Variants in CDKN2B-AS1 observed in about 807,000 individuals in gnomAD.
CDKN2B-AS1 encodes the protein CDKN2B antisense RNA 1 (non-protein coding).
At chr9:22,115,859 G>C (rs1825936261) in intron 4 of CDKN2B-AS1, among the ~76,000 whole-genome samples, 1 of 152,034 alleles carries the variant, frequency 6.6e-6, no homozygotes, top group African/African-American at 2.4e-5. Flanking sequence ...TAATGAATTA[G>C]GATGAAAAAT....
intron 4 of CDKN2B-AS1, among the ~76,000 whole-genome samples, chr9:22,059,411 A>G (rs1441481455): frequency 6.6e-6 from 1 of 152,202 alleles, no homozygotes; most frequent in Non-Finnish European, 1.5e-5. Context: ...AAGCTCCAAA[A>G]TGATCTCCTG....
chr9:22,012,206 G>C lies in CDKN2B-AS1; in HGVS notation n.29+17045G>C, dbSNP rs561948279. ...GGGCAAGACCATCACCCTTGAGGTCGAGCCCAGTGACACCATTGAGAATGT... is the reference window on the plus strand; with the variant it reads ...GGGCAAGACCATCACCCTTGAGGTCCAGCCCAGTGACACCATTGAGAATGT... On this transcript the variant is annotated intron_variant and non_coding_transcript_variant, in intron 1 of 4. Transcript: ENST00000650946. 6 of 1,403,486 alleles carry C rather than the reference G, an allele frequency of 4.3e-6. No individual in the cohort carries two copies. The East Asian group carries it at 1.4e-4, about 32-fold the overall frequency. 86.9% of individuals were successfully genotyped at this position (1,403,486 alleles called of 1,614,324 possible).
At chr9:22,049,309 G>A (rs942703249) in intron 3 of CDKN2B-AS1, 1 of 152,196 alleles carries the variant, frequency 6.6e-6, no homozygotes, top group African/African-American at 2.4e-5. Flanking sequence ...AACATCTAAA[G>A]AAGAGTTTTA....
At chr9:22,053,401 A>G (rs1823434668) in intron 3 of CDKN2B-AS1, among the ~76,000 whole-genome samples, 1 of 152,226 alleles carries the variant, frequency 6.6e-6, no homozygotes, top group Non-Finnish European at 1.5e-5. Context: ...GGGGATGAAG[A>G]AAATCATAAA....
At chr9:22,009,021 C>T (rs1821350784) in intron 1 of CDKN2B-AS1, 1 of 1,603,250 alleles carries the variant, frequency 6.2e-7, no homozygotes, top group Non-Finnish European at 8.5e-7. Context: ...CGACACTCTT[C>T]CCTTCTTTCC....
intron 4 of CDKN2B-AS1, among the ~76,000 whole-genome samples, chr9:22,060,924 A>T (rs1823791066): frequency 6.6e-6 from 1 of 152,162 alleles, no homozygotes. Flanking sequence ...GGATTCAGTT[A>T]CCTCACCCTG....
intron 4 of CDKN2B-AS1, among the ~76,000 whole-genome samples, chr9:22,082,555 G>A (rs1469637805): frequency 1.3e-5 from 2 of 152,136 alleles, no homozygotes; most frequent in East Asian, 1.9e-4. Flanking sequence ...ATAGATAAAC[G>A]TATCATGATT....
intron 4 of CDKN2B-AS1, among the ~76,000 whole-genome samples, chr9:22,058,048 G>GCCC (rs1026786766): frequency 2.6e-5 from 2 of 77,648 alleles, no homozygotes; most frequent in African/African-American, 8.0e-5. Flanking sequence ...AAAAAAATTA[G>GCCC]CCAGGTGTGG....
intron 4 of CDKN2B-AS1, among the ~76,000 whole-genome samples, chr9:22,067,446 G>C (rs190717609): frequency 5.3e-5 from 8 of 152,218 alleles, no homozygotes; most frequent in African/African-American, 1.9e-4. Flanking sequence ...GTAGGCAACT[G>C]TTTCAGCTTC....
chr9:22,087,334 T>C (rs1824898519), intron 4 of CDKN2B-AS1, among the ~76,000 whole-genome samples: 1 of 152,224 alleles, frequency 6.6e-6, no homozygotes, highest in Non-Finnish European at 1.5e-5. Context: ...AGTCTGAGGA[T>C]ACAATTACAT....
intron 4 of CDKN2B-AS1, among the ~76,000 whole-genome samples, chr9:22,106,399 TAG>T (rs1825660654): frequency 6.6e-6 from 1 of 152,110 alleles, no homozygotes; most frequent in African/African-American, 2.4e-5. Context: ...GTATTTTTAG[TAG>T]AGACAGGATT....
chr9:22,107,492 A>G (rs1825690578), intron 4 of CDKN2B-AS1, among the ~76,000 whole-genome samples: 1 of 152,190 alleles, frequency 6.6e-6, no homozygotes, highest in Non-Finnish European at 1.5e-5. Flanking sequence ...CAGATCTCTT[A>G]CCTTGCAATT....
At chr9:22,094,738 C>G (rs1290198017) in intron 4 of CDKN2B-AS1, among the ~76,000 whole-genome samples, 1 of 143,818 alleles carries the variant, frequency 7.0e-6, no homozygotes, top group Admixed American at 6.7e-5. Context: ...AGGTTTTTAA[C>G]TTCTTTGCCA....
rs955266924 is a variant in CDKN2B-AS1 at position 21,997,542 on chromosome 9, C to T, written n.29+2381C>T. Reference sequence around the variant, plus strand: ...GAAAATACTTATTTTAAGGAATTGTCTCAGAAAATGGTGGGGGTTGACAAA... The same window carrying T: ...GAAAATACTTATTTTAAGGAATTGTTTCAGAAAATGGTGGGGGTTGACAAA... On this transcript the variant is annotated intron_variant and non_coding_transcript_variant, in intron 1 of 4. Coordinates refer to ENST00000650946, the Ensembl canonical transcript of CDKN2B-AS1. The surrounding 1 kb of genome is among the most constrained non-coding windows in gnomAD (Gnocchi z 4.8). Among the ~76,000 whole-genome samples, 3 of 151,884 alleles carry T rather than the reference C, an allele frequency of 2.0e-5. No homozygotes were observed. Among genetic ancestry groups the T allele is most frequent in the African/African-American group, 7.3e-5 (3 of 41,318 alleles).
chr9:22,069,745 T>C (rs933414354), intron 4 of CDKN2B-AS1, among the ~76,000 whole-genome samples: 2 of 152,214 alleles, frequency 1.3e-5, no homozygotes, highest in African/African-American at 4.8e-5. Context: ...TACTGTGCAA[T>C]AGAATGCTAG....
intron 4 of CDKN2B-AS1, among the ~76,000 whole-genome samples, chr9:22,124,809 G>T (rs1310842483): frequency 6.6e-6 from 1 of 152,184 alleles, no homozygotes. Context: ...TCAAGATAGG[G>T]TGAGGTGTTT....
intron 4 of CDKN2B-AS1, among the ~76,000 whole-genome samples, chr9:22,105,792 T>C (rs1443570725): frequency 6.6e-6 from 1 of 152,230 alleles, no homozygotes; most frequent in African/African-American, 2.4e-5. Context: ...TCAAGTGTGA[T>C]AAAGACAGCA....
rs887180090 is a variant in CDKN2B-AS1 at position 22,005,887 on chromosome 9, TCCGCCGCTCC to T, written n.29+10730_29+10739del. 6.0e-6 allele frequency: 9 copies of T among 1,489,516 alleles called. 1 individual carries two copies. In the Admixed American group the frequency reaches 1.7e-4, roughly 29 times the overall value. 92.3% of individuals were successfully genotyped at this position (1,489,516 alleles called of 1,614,324 possible). On this transcript the variant is annotated intron_variant and non_coding_transcript_variant, in intron 1 of 4. Transcript: ENST00000650946. This position sits in a 1 kb window ranked among gnomAD's most constrained non-coding sequence, Gnocchi z 4.9. Reference sequence around the variant, plus strand: ...GACAGGCTTGCAGGCTTACAGGCTTTCCGCCGCTCCCCGTTGGCAGCCTTCATCGAATTAG... The same window carrying T: ...GACAGGCTTGCAGGCTTACAGGCTTTCCGTTGGCAGCCTTCATCGAATTAG...
intron 4 of CDKN2B-AS1, among the ~76,000 whole-genome samples, chr9:22,074,562 T>C (rs1395062059): frequency 2.0e-5 from 3 of 152,226 alleles, no homozygotes; most frequent in African/African-American, 2.4e-5. Context: ...TGTTTCCTTG[T>C]TGAAAATCTT....
Sources: allele counts gnomAD v4.1 joint callset (sites outside exome capture counted in the v4.1 genomes callset), GRCh38; gene constraint gnomAD v4.1.1; non-coding constraint Gnocchi (gnomAD v3.1); transcripts MANE v1.5; gene names NCBI Gene and HGNC (gene_info 2026-07-23, HGNC 2026-07-21).